GSK3B: variants seen among roughly 807,000 people sequenced by gnomAD.
GSK3B encodes the protein glycogen synthase kinase-3 beta.
GSK3B carries 15 observed loss-of-function variants against 56.4 expected under a neutral mutation model. That is an observed-to-expected ratio of 0.27 (90% CI 0.18 to 0.41). GSK3B has a LOEUF of 0.41. GSK3B is among the 10% of genes least tolerant of loss of function. The probability of loss-of-function intolerance (pLI) is 1.00; values close to 1 mark genes in which losing one functional copy is unlikely to be tolerated. For missense variants in GSK3B, 300 were observed against 513.4 expected (o/e 0.58, Z 4.02); for synonymous variants, 181 against 188.9 (o/e 0.96, Z 0.34).
At chr3:119,997,399 C>T (rs2057629687) in intron 2 of GSK3B, among the ~76,000 whole-genome samples, 1 of 151,922 alleles carries the variant, frequency 6.6e-6, no homozygotes, top group Non-Finnish European at 1.5e-5. Flanking sequence ...TTCCCAAGAG[C>T]AACAGAAAAA....
chr3:119,878,162 A>G (rs2056335439), intron 7 of GSK3B, among the ~76,000 whole-genome samples: 1 of 152,174 alleles, frequency 6.6e-6, no homozygotes, highest in Admixed American at 6.5e-5. Flanking sequence ...GTTCTTTAAA[A>G]GACACTCTTA....
intron 4 of GSK3B, among the ~76,000 whole-genome samples, chr3:119,920,007 A>G (rs552798547): frequency 6.6e-6 from 1 of 152,328 alleles, no homozygotes; most frequent in East Asian, 1.9e-4. Flanking sequence ...TAAATTATGA[A>G]CACTTAAAAA....
intron 1 of GSK3B, among the ~76,000 whole-genome samples, chr3:120,074,238 T>C (rs1238549177): frequency 6.6e-6 from 1 of 151,184 alleles, no homozygotes; most frequent in Non-Finnish European, 1.5e-5. Context: ...GAATTGAGAC[T>C]GCAGTGAATG....
intron 10 of GSK3B, among the ~76,000 whole-genome samples, chr3:119,842,293 C>T (rs1033634516): frequency 6.6e-6 from 1 of 152,184 alleles, no homozygotes; most frequent in East Asian, 1.9e-4. Context: ...CCCTGCAGCA[C>T]ACCCTAGCTC....
chr3:119,947,465 C>A (rs2057111751), intron 2 of GSK3B, 114 bp from the exon 3 acceptor site: 2 of 688,320 alleles, frequency 2.9e-6, no homozygotes, highest in African/African-American at 1.8e-5. Context: ...TATAGATATG[C>A]TACTAAAAAG....
In GSK3B at chr3:120,072,042, G is replaced by GT. The variant is rs527818725; in HGVS notation, c.88+21304dup. Among the ~76,000 whole-genome samples, 17 of 152,322 alleles carry GT rather than the reference G, an allele frequency of 1.1e-4. No homozygotes were observed. The East Asian group carries it at 2.7e-3, about 24-fold the overall frequency. ...ATCAGGTTTACTTACTGAATATTAAGTCAATGATTAAAAATGAAATGTCAG... is the reference window on the plus strand; with the variant it reads ...ATCAGGTTTACTTACTGAATATTAAGTTCAATGATTAAAAATGAAATGTCAG... On this transcript the variant is annotated intron_variant, in intron 1 of 10. Coordinates refer to ENST00000264235, the MANE Select transcript of GSK3B (RefSeq NM_001146156.2).
rs1314796045 is a variant in GSK3B at position 120,076,961 on chromosome 3, T to C, written c.88+16386A>G. Among the ~76,000 whole-genome samples the C allele has an allele frequency of 4.0e-5, 6 of 151,556 alleles. 1 individual carries two copies. In the South Asian group the frequency reaches 1.2e-3, roughly 32 times the overall value. ...AATGGAAATCAAAACCATGATGAGA[T>C]ACCACCTCACCCCTGTTAGGATATC... On this transcript the variant is annotated intron_variant, in intron 1 of 10. Transcript: ENST00000264235.
chr3:119,854,129 G>GA (rs2055982534), intron 9 of GSK3B, among the ~76,000 whole-genome samples: 2 of 152,128 alleles, frequency 1.3e-5, no homozygotes, highest in Non-Finnish European at 2.9e-5. Context: ...TTAGCATGAA[G>GA]GTCTGTTGAA....
chr3:119,841,691 T>C (rs778676725), intron 10 of GSK3B, among the ~76,000 whole-genome samples: 5 of 152,098 alleles, frequency 3.3e-5, no homozygotes, highest in Admixed American at 6.5e-5. Flanking sequence ...TGTCCTAAAG[T>C]AATTGCCACT....
rs1426376057 is a variant in GSK3B at position 119,843,367 on chromosome 3, A to G, written c.1097-14T>C. On this transcript the variant is annotated splice_polypyrimidine_tract_variant and intron_variant, in intron 9 of 10. Coordinates refer to ENST00000264235, the MANE Select transcript of GSK3B (RefSeq NM_001146156.2). Reference sequence around the variant, plus strand: ...TACTTGACAGTTCTATAGAAGGTTAAGACACAAATGTTAGAGTCCACTCTT... The same window carrying G: ...TACTTGACAGTTCTATAGAAGGTTAGGACACAAATGTTAGAGTCCACTCTT... 4 of 1,441,930 alleles carry G rather than the reference A, an allele frequency of 2.8e-6. No individual in the cohort carries two copies. The highest frequency in any genetic ancestry group is 1.7e-5 in the Admixed American group (1 of 59,428). 89.3% of individuals were successfully genotyped at this position (1,441,930 alleles called of 1,614,324 possible).
rs1416263832 is a variant in GSK3B at position 119,823,717 on chromosome 3, G to C, written c.*3071C>G. ...TGCTACCGAGGAGGAAAGACATTCA[G>C]AACCAAAACAAAGGCAGGGCTTCAA... On this transcript the variant is annotated 3_prime_UTR_variant, in exon 11 of 11. Transcript: ENST00000264235. 5.4e-6 allele frequency: 1 copy of C among 186,494 alleles called. No homozygotes were observed. The highest frequency in any genetic ancestry group is 8.6e-5 in the East Asian group (1 of 11,642). 11.6% of individuals were successfully genotyped at this position (186,494 alleles called of 1,614,324 possible). A position where few individuals can be genotyped will look rare whatever the true frequency, so the allele number is the denominator to read the frequency against.
At chr3:120,038,254 A>G (rs1050903063) in intron 1 of GSK3B, among the ~76,000 whole-genome samples, 1 of 152,200 alleles carries the variant, frequency 6.6e-6, no homozygotes, top group African/African-American at 2.4e-5. Context: ...TTTAGTTATC[A>G]TAATTCACCC....
At chr3:120,087,531 C>CAA (rs796814551) in intron 1 of GSK3B, among the ~76,000 whole-genome samples, 3 of 126,384 alleles carry the variant, frequency 2.4e-5, no homozygotes, top group African/African-American at 8.7e-5. Flanking sequence ...GACTCCATCT[C>CAA]AAAAAAAAAA....
intron 2 of GSK3B, among the ~76,000 whole-genome samples, chr3:119,971,833 G>A (rs1176481257): frequency 2.0e-5 from 3 of 151,188 alleles, no homozygotes; most frequent in Admixed American, 6.6e-5. Flanking sequence ...GGATGGTCTC[G>A]ATCTCCTGAC....
intron 8 of GSK3B, among the ~76,000 whole-genome samples, chr3:119,876,079 A>G (rs1201164947): frequency 1.3e-5 from 2 of 152,270 alleles, no homozygotes; most frequent in East Asian, 3.9e-4. Flanking sequence ...ATGATATTAA[A>G]CTATACACCT....
chr3:119,975,541 C>T (rs2057401835), intron 2 of GSK3B, among the ~76,000 whole-genome samples: 1 of 152,068 alleles, frequency 6.6e-6, no homozygotes, highest in Admixed American at 6.6e-5. Flanking sequence ...AGGCTATATA[C>T]TGTATGATTC....
chr3:120,091,505 A>G (rs1323562426), intron 1 of GSK3B, among the ~76,000 whole-genome samples: 1 of 152,224 alleles, frequency 6.6e-6, no homozygotes, highest in African/African-American at 2.4e-5. Context: ...AAAGAAAATG[A>G]AAAGTCCCAA....
At chr3:119,994,779 A>G (rs1385620289) in intron 2 of GSK3B, among the ~76,000 whole-genome samples, 1 of 152,208 alleles carries the variant, frequency 6.6e-6, no homozygotes, top group Non-Finnish European at 1.5e-5. Flanking sequence ...TTCCTGGTAT[A>G]GAAGACTAGA....
chr3:119,932,025 A>G (rs543227421), intron 3 of GSK3B, among the ~76,000 whole-genome samples: 30 of 152,352 alleles, frequency 2.0e-4, no homozygotes, highest in African/African-American at 7.2e-4. Flanking sequence ...CAACAACTCA[A>G]CAACAGCTGA....
Sources: allele counts gnomAD v4.1 joint callset (sites outside exome capture counted in the v4.1 genomes callset), GRCh38; gene constraint gnomAD v4.1.1; transcripts MANE v1.5; gene names NCBI Gene and HGNC (gene_info 2026-07-23, HGNC 2026-07-21).